SH3TC1: variants seen among roughly 807,000 people sequenced by gnomAD.
SH3TC1 encodes the protein SH3 domain and tetratricopeptide repeat-containing protein 1.
SH3TC1 carries 135 observed loss-of-function variants against 117.3 expected under a neutral mutation model. The observed-to-expected ratio is 1.15, with a 90% CI of 1.00 to 1.33. The LOEUF (loss-of-function observed/expected upper bound fraction) is 1.33, where lower values mean the gene tolerates loss of function less well. Among genes scored for constraint, SH3TC1 ranks in the 40% most tolerant of loss-of-function variants. SH3TC1 has a pLI of 0.00. For synonymous variants in SH3TC1, 898 were observed against 816.9 expected (o/e 1.10, Z -1.69); for missense variants, 2,092 against 1,794.3 (o/e 1.17, Z -3.00).
In SH3TC1 at chr4:8,192,132, G is replaced by T. The variant is rs1026841774; in HGVS notation, c.-57+9922G>T. On this transcript the variant is annotated intron_variant, in intron 1 of 16. Transcript: ENST00000508641. The surrounding 1 kb of genome is among the most constrained non-coding windows in gnomAD (Gnocchi z 4.1). ...TGCCTCCCAAGTAGCTAAGATTACA[G>T]GCACCTGCCACCACACTCAGCTAAT... 4.6e-5 allele frequency among the ~76,000 whole-genome samples: 7 copies of T among 151,888 alleles called. No individual in the cohort carries two copies. The highest frequency in any genetic ancestry group is 1.7e-4 in the African/African-American group (7 of 41,296).
chr4:8,189,482 G>C (rs1717344645), intron 1 of SH3TC1, among the ~76,000 whole-genome samples: 1 of 152,248 alleles, frequency 6.6e-6, no homozygotes, highest in African/African-American at 2.4e-5. Context: ...AGGAAGGAGT[G>C]GTGTGCAGAA....
chr4:8,213,205 G>C lies in SH3TC1; in HGVS notation c.375+377G>C, dbSNP rs28583908. 1,535 of 204,074 alleles carry C rather than the reference G, an allele frequency of 7.5e-3. 25 individuals carry two copies. Among genetic ancestry groups the C allele is most frequent in the African/African-American group, 0.034 (1,437 of 42,434 alleles). The allele number at this position is 204,074 out of a possible 1,614,324, so 12.6% of individuals were successfully genotyped here. A position where few individuals can be genotyped will look rare whatever the true frequency, so the allele number is the denominator to read the frequency against. On this transcript the variant is annotated intron_variant, in intron 4 of 17. Transcript: ENST00000245105. ...TGGTGACAAAGCCAGCCTCCTGTGG[G>C]CTTCTGCACATACCAGCCTTCTGGG...
intron 1 of SH3TC1, among the ~76,000 whole-genome samples, chr4:8,187,144 C>T (rs898528847): frequency 1.4e-4 from 22 of 152,204 alleles, no homozygotes; most frequent in African/African-American, 5.1e-4. Context: ...TGCCACCCAA[C>T]GCCACTCCTG....
intron 7 of SH3TC1, 83 bp downstream of exon 7, chr4:8,217,250 G>T (rs1219439645): frequency 2.6e-6 from 4 of 1,516,110 alleles, no homozygotes; most frequent in Admixed American, 3.9e-5. Flanking sequence ...TCAAGGGGAT[G>T]GACAGGGAAT....
At chr4:8,226,283 C>T (rs771474106) in intron 11 of SH3TC1, among the ~76,000 whole-genome samples, 12 of 152,152 alleles carry the variant, frequency 7.9e-5, no homozygotes, top group African/African-American at 2.4e-4. Context: ...CAGCAGGCTG[C>T]GTGGGCAGCC....
upstream of SH3TC1, among the ~76,000 whole-genome samples, chr4:8,194,896 C>A (rs1017369705): frequency 2.0e-5 from 3 of 152,214 alleles, no homozygotes; most frequent in Non-Finnish European, 4.4e-5. Flanking sequence ...TCTCCGGCTG[C>A]TCCACTCACA....
rs202192232 is a variant in SH3TC1, at chr4:8,228,008, G to A, written c.2314G>A (p.Ala772Thr). 2.2e-5 allele frequency: 35 copies of A among 1,611,778 alleles called. 1 individual carries two copies. In the South Asian group the frequency reaches 2.7e-4, roughly 13 times the overall value. The change falls in exon 12 of 18, where the codon GCG becomes ACG. Residue 772 changes from alanine to threonine, a missense_variant. By Grantham distance (58) the Ala-to-Thr change is moderately conservative. Coordinates refer to ENST00000245105, the MANE Select transcript of SH3TC1 (RefSeq NM_018986.5). ...CCAAACTTCCCACTACCTCAGGCAAGCGCTGGCCTCCCTGACCCCGGGCAC... is the reference window on the plus strand; with the variant it reads ...CCAAACTTCCCACTACCTCAGGCAAACGCTGGCCTCCCTGACCCCGGGCAC... The part of the protein sequence containing the change: ...PAQTSHYLRQ[A>T]LASLTPGTGQ...
Position 8,209,535 on chromosome 4 carries a change from G to T in SH3TC1, c.173-213G>T. On this transcript the variant is annotated intron_variant, in intron 2 of 17. Transcript: ENST00000245105. This position sits in a 1 kb window ranked among gnomAD's most constrained non-coding sequence, Gnocchi z 5.9. Reference sequence around the variant, plus strand: ...CGTGTGGTCTTAAGCCTCTGAGTGTGGGGCAGCTTGTCACAGCATGCTGGG... The same window carrying T: ...CGTGTGGTCTTAAGCCTCTGAGTGTTGGGCAGCTTGTCACAGCATGCTGGG... 2 of 1,055,444 alleles carry T rather than the reference G, an allele frequency of 1.9e-6. No individual in the cohort carries two copies. Among genetic ancestry groups the T allele is most frequent in the Admixed American group, 4.2e-5 (2 of 47,470 alleles). 65.4% of individuals were successfully genotyped at this position (1,055,444 alleles called of 1,614,324 possible).
At chr4:8,217,271 C>T in intron 7 of SH3TC1, 104 bp downstream of exon 7, 1 of 1,365,102 alleles carries the variant, frequency 7.3e-7, no homozygotes, top group Non-Finnish European at 1.0e-6. Flanking sequence ...GGTGGGGGCC[C>T]CGGACAGACC....
At chr4:8,219,307 G>T in intron 8 of SH3TC1, 28 bp from the exon 9 acceptor site, 1 of 1,556,522 alleles carries the variant, frequency 6.4e-7, no homozygotes, top group Non-Finnish European at 8.7e-7. Flanking sequence ...GGTCTCCCTG[G>T]CACTCACCAT....
rs901132261 is a variant in SH3TC1, at chr4:8,235,634, G to A, written c.3405+79G>A. Reference sequence around the variant, plus strand: ...GCTGAGGCACAGGTGTGGCAGGGCAGAGCCCTCGCACCTGGAGGCAGGGCC... The same window carrying A: ...GCTGAGGCACAGGTGTGGCAGGGCAAAGCCCTCGCACCTGGAGGCAGGGCC... On this transcript the variant is annotated intron_variant, in intron 15 of 17. Transcript: ENST00000245105. The A allele has an allele frequency of 8.9e-6, 13 of 1,465,098 alleles. No homozygotes were observed. In the African/African-American group the frequency reaches 1.0e-4, roughly 11 times the overall value. 90.8% of individuals were successfully genotyped at this position (1,465,098 alleles called of 1,614,324 possible). A position where few individuals can be genotyped will look rare whatever the true frequency, so the allele number is the denominator to read the frequency against.
intron 5 of SH3TC1, among the ~76,000 whole-genome samples, 187 bp from the exon 6 acceptor site, chr4:8,215,924 C>T (rs1719219829): frequency 8.3e-6 from 1 of 120,358 alleles, no homozygotes; most frequent in Non-Finnish European, 1.8e-5. Flanking sequence ...CTCTCACAGC[C>T]CGGGTGGTCA....
chr4:8,225,281 G>T lies in SH3TC1; in HGVS notation c.1285+65G>T, dbSNP rs1193218605. 8 of 1,557,834 alleles carry T rather than the reference G, an allele frequency of 5.1e-6. No homozygotes were observed. The highest frequency in any genetic ancestry group is 2.7e-5 in the African/African-American group (2 of 73,836). ...GCTGGGCCTTGGGGTAACGCTGGGG[G>T]AGGTGACAAAGCTGAGCACGGTGGG... is the stretch of plus-strand genomic sequence containing the variant. On this transcript the variant is annotated intron_variant, in intron 11 of 17. Coordinates refer to ENST00000245105, the MANE Select transcript of SH3TC1 (RefSeq NM_018986.5). The surrounding 1 kb of genome is among the most constrained non-coding windows in gnomAD (Gnocchi z 5.5).
intron 10 of SH3TC1, 123 bp downstream of exon 10, chr4:8,223,093 G>A: frequency 7.4e-7 from 1 of 1,356,678 alleles, no homozygotes; most frequent in Non-Finnish European, 9.8e-7. Flanking sequence ...AACAGACAGA[G>A]GCTGCCGCTG....
At chr4:8,239,296 C>CACGGACACGCAGAG in intron 17 of SH3TC1, among the ~76,000 whole-genome samples, 1 of 141,724 alleles carries the variant, frequency 7.1e-6, no homozygotes, top group Non-Finnish European at 1.5e-5. Context: ...GACATGCACA[C>CACGGACACGCAGAG]ATGAGCACAC....
rs1175023893 is a variant in SH3TC1, at chr4:8,240,838, C to T, written c.3894C>T (p.Leu1298=). The change falls in exon 18 of 18, where the codon CTC becomes CTT. Residue 1298 remains leucine, a synonymous_variant. Transcript: ENST00000245105. ...TCCTCCTGGACCGTGAGAAGTCGCT[C>T]TTCTTCTACCAGAAGGCCAGGACCT... ...HNFLLDREKS[L]FFYQKARTFA... is the part of the protein sequence containing the mutation. The T allele has an allele frequency of 6.2e-7, 1 of 1,613,922 alleles. No homozygotes were observed. Among genetic ancestry groups the T allele is most frequent in the Non-Finnish European group, 8.5e-7 (1 of 1,179,970 alleles).
rs139468778 is a variant in SH3TC1, at chr4:8,200,982, G to A, written c.-29+1577G>A. On this transcript the variant is annotated intron_variant, in intron 1 of 17. Coordinates refer to ENST00000245105, the MANE Select transcript of SH3TC1 (RefSeq NM_018986.5). ...CCCAAGGGAAGGTCGCTTCATCTGCGCAGACCATTTCCAAATAAGGCCCCA... is the reference window on the plus strand; with the variant it reads ...CCCAAGGGAAGGTCGCTTCATCTGCACAGACCATTTCCAAATAAGGCCCCA... 9.2e-5 allele frequency among the ~76,000 whole-genome samples: 14 copies of A among 152,284 alleles called. No individual in the cohort carries two copies. The East Asian group carries it at 1.5e-3, about 17-fold the overall frequency.
intron 1 of SH3TC1, among the ~76,000 whole-genome samples, chr4:8,193,991 G>A (rs1030873808): frequency 6.6e-6 from 1 of 152,220 alleles, no homozygotes; most frequent in Non-Finnish European, 1.5e-5. Flanking sequence ...GCTGAAAAAC[G>A]CAAAGACAAA....
At chr4:8,222,361 GTTTTTTTT>G (rs5856006) in intron 9 of SH3TC1, among the ~76,000 whole-genome samples, 9 of 40,320 alleles carry the variant, frequency 2.2e-4, no homozygotes, top group Admixed American at 4.5e-4. Context: ...TCAGGATCTG[GTTTTTTTT>G]TTTTTTTTTT....
Sources: gnomAD v4.1 joint callset for allele counts (sites outside exome capture counted in the v4.1 genomes callset) on GRCh38, gnomAD v4.1.1 for gene constraint, Gnocchi (gnomAD v3.1) non-coding constraint, MANE v1.5 for transcripts, NCBI Gene and HGNC (gene_info 2026-07-23, HGNC 2026-07-21) for gene names.